The following MCC variants were observed in gnomAD, a reference collection of about 807,000 sequenced individuals.
MCC encodes the protein MCC regulator of Wnt signaling pathway, also known as colorectal mutant cancer protein.
Under a neutral mutation model 116.2 loss-of-function variants are expected in MCC, and 90 were observed. That is an observed-to-expected ratio of 0.77 (90% CI 0.65 to 0.92). The LOEUF is 0.92. MCC is among the 40% of genes least tolerant of loss of function. The pLI is 0.00. For missense variants in MCC, 1,516 were observed against 1,312.2 expected, an observed-to-expected ratio of 1.16 and a Z score of -2.40; for synonymous variants, 578 against 510.5, an observed-to-expected ratio of 1.13 and a Z score of -1.78.
At chr5:113,307,185 A>C (rs1056375497) in intron 3 of MCC, among the ~76,000 whole-genome samples, 2 of 152,178 alleles carry the variant, frequency 1.3e-5, no homozygotes, top group Non-Finnish European at 2.9e-5. Context: ...TATTGTGCCA[A>C]GTAGACAGAT....
At chr5:113,441,093 C>G (rs1278346043) in intron 1 of MCC, among the ~76,000 whole-genome samples, 1 of 152,108 alleles carries the variant, frequency 6.6e-6, no homozygotes, top group Non-Finnish European at 1.5e-5. Flanking sequence ...CCAACACTTT[C>G]GGAGGCTGAG....
At chr5:113,042,909 AAAAT>A (rs1751816478) in intron 17 of MCC, among the ~76,000 whole-genome samples, 6 of 152,174 alleles carry the variant, frequency 3.9e-5, no homozygotes, top group Admixed American at 3.9e-4. Context: ...TGGCTACTAG[AAAAT>A]TTACAAGTAC....
At chr5:113,330,324 T>TA (rs1029289384) in intron 3 of MCC, among the ~76,000 whole-genome samples, 2 of 152,234 alleles carry the variant, frequency 1.3e-5, no homozygotes, top group Non-Finnish European at 2.9e-5. Context: ...TGTCTAAACT[T>TA]ATTCTTTTAA....
At chr5:113,086,529 G>A (rs1056879833) in intron 8 of MCC, among the ~76,000 whole-genome samples, 3 of 152,140 alleles carry the variant, frequency 2.0e-5, no homozygotes, top group South Asian at 2.1e-4. Context: ...AAAGAAACAC[G>A]GGACCCTCTA....
At position 113,122,824 on chromosome 5, in the gene MCC, T is replaced by C; in HGVS notation, c.887A>G (p.Glu296Gly). 6.2e-7 allele frequency: 1 copy of C among 1,613,728 alleles called. No homozygotes were observed. Among genetic ancestry groups the C allele is most frequent in the South Asian group, 1.1e-5 (1 of 91,028 alleles). Reference sequence around the variant, plus strand: ...TCGCAGTTCTGAGTACTCATCTTCCTCCCTGAGAAAAAAGGAGAATTGGCA... The same window carrying C: ...TCGCAGTTCTGAGTACTCATCTTCCCCCCTGAGAAAAAAGGAGAATTGGCA... ...IDRLQGTTIR[E>G]EDEYSELRSE... is the part of the protein sequence containing the mutation. The change falls in exon 6 of 19, where the codon GAG becomes GGG. Residue 296 changes from glutamate to glycine, a missense_variant and splice_region_variant. Glu to Gly is a moderately conservative substitution (Grantham distance 98). Transcript: ENST00000408903.
intron 17 of MCC, among the ~76,000 whole-genome samples, chr5:113,035,306 C>T (rs1280570650): frequency 1.3e-5 from 2 of 152,198 alleles, no homozygotes; most frequent in Non-Finnish European, 2.9e-5. Context: ...TCTGCCAAGT[C>T]TCATCCTGCC....
chr5:113,191,088 C>T (rs771876731), intron 3 of MCC, among the ~76,000 whole-genome samples: 7 of 152,130 alleles, frequency 4.6e-5, no homozygotes, highest in African/African-American at 9.7e-5. Context: ...AATCCAAAAA[C>T]GATAATCACC....
chr5:113,228,132 G>A (rs994768147), intron 3 of MCC, among the ~76,000 whole-genome samples: 1 of 152,194 alleles, frequency 6.6e-6, no homozygotes, highest in Non-Finnish European at 1.5e-5. Flanking sequence ...AAGACCACAG[G>A]AGAAAACCCT....
At chr5:113,262,393 T>C (rs566987845) in intron 3 of MCC, among the ~76,000 whole-genome samples, 2 of 152,242 alleles carry the variant, frequency 1.3e-5, no homozygotes, top group East Asian at 3.9e-4. Context: ...CTAATAATTA[T>C]TTATATGTAA....
At chr5:113,388,177 T>C (rs142049671) in intron 1 of MCC, among the ~76,000 whole-genome samples, 1 of 152,312 alleles carries the variant, frequency 6.6e-6, no homozygotes, top group Non-Finnish European at 1.5e-5. Flanking sequence ...ATTTTAAACG[T>C]GTAGGCTGTT....
At chr5:113,408,373 T>C (rs530788034) in intron 1 of MCC, among the ~76,000 whole-genome samples, 18 of 152,280 alleles carry the variant, frequency 1.2e-4, no homozygotes, top group Non-Finnish European at 2.6e-4. Context: ...GGGAAAGATG[T>C]TCTGGGATCA....
intron 6 of MCC, among the ~76,000 whole-genome samples, chr5:113,115,285 A>G (rs1478100976): frequency 6.6e-6 from 1 of 152,082 alleles, no homozygotes; most frequent in African/African-American, 2.4e-5. Flanking sequence ...AAAATTTCCT[A>G]TTTCAAAGTC....
Position 113,385,204 on chromosome 5 carries a change from A to C in MCC, c.179T>G (p.Leu60Trp). ...ATTCAGCTGGCGACAGACCATTAGC[A>C]AGTCATTTCTGCAGAAGGGGTTGAA... ...DGDGYISRND[L>W]LMVCRQLNME... The change falls in exon 2 of 19, where the codon TTG becomes TGG. Residue 60 changes from leucine (L) to tryptophan (W), a missense_variant. Leu to Trp is a moderately conservative substitution (Grantham distance 61). Transcript: ENST00000408903. 2 of 1,613,794 alleles carry C rather than the reference A, an allele frequency of 1.2e-6. No individual in the cohort carries two copies. The highest frequency in any genetic ancestry group is 2.2e-5 in the South Asian group (2 of 91,066).
chr5:113,299,602 A>G (rs1301998557), intron 3 of MCC, among the ~76,000 whole-genome samples: 2 of 152,238 alleles, frequency 1.3e-5, no homozygotes, highest in Admixed American at 6.5e-5. Context: ...AGCCCCAAGT[A>G]GGTTTCAGGC....
At chr5:113,256,579 A>G (rs1376425019) in intron 3 of MCC, among the ~76,000 whole-genome samples, 1 of 152,254 alleles carries the variant, frequency 6.6e-6, no homozygotes, top group Non-Finnish European at 1.5e-5. Flanking sequence ...GTCAAGTTCA[A>G]TAAACTTGCC....
intron 1 of MCC, among the ~76,000 whole-genome samples, chr5:113,407,705 T>G (rs142280672): frequency 3.0e-4 from 46 of 152,296 alleles, no homozygotes; most frequent in Admixed American, 7.8e-4. Flanking sequence ...GGTATACGTG[T>G]GCCATGGGGG....
chr5:113,218,290 C>T lies in MCC; in HGVS notation c.628-66868G>A, dbSNP rs183492350. The stretch of plus-strand genomic sequence containing the variant: ...GGCCTTCAATAGTTTTATTCTTTCA[C>T]GTCTCTAACGTCTGCAGCTTCCTGA... On this transcript the variant is annotated intron_variant, in intron 3 of 18. Coordinates refer to ENST00000408903, the MANE Select transcript of MCC (RefSeq NM_001085377.2). Among the ~76,000 whole-genome samples, 48 of 152,244 alleles carry T rather than the reference C, an allele frequency of 3.2e-4. No individual in the cohort carries two copies. In the East Asian group the frequency reaches 8.7e-3, roughly 28 times the overall value.
chr5:113,482,326 G>T (rs1190575231), intron 1 of MCC, among the ~76,000 whole-genome samples: 3 of 152,134 alleles, frequency 2.0e-5, no homozygotes, highest in Non-Finnish European at 2.9e-5. Context: ...TGTTTTAGAG[G>T]AATTGCTAGA....
chr5:113,297,051 C>T (rs559838548), intron 3 of MCC, among the ~76,000 whole-genome samples: 39 of 152,298 alleles, frequency 2.6e-4, no homozygotes, highest in African/African-American at 8.2e-4. Flanking sequence ...ATGAGATTTT[C>T]TTCATAAACA....
Sources: allele counts gnomAD v4.1 joint callset (sites outside exome capture counted in the v4.1 genomes callset), GRCh38; gene constraint gnomAD v4.1.1; transcripts MANE v1.5; gene names NCBI Gene and HGNC (gene_info 2026-07-23, HGNC 2026-07-21).